MAGI2: variants seen among roughly 807,000 people sequenced by gnomAD.
MAGI2 encodes membrane associated guanylate kinase, WW and PDZ domain containing 2.
Under a neutral mutation model 133.3 loss-of-function variants are expected in MAGI2, and 35 were observed. That is an observed-to-expected ratio of 0.26 (90% confidence interval 0.20 to 0.35). The LOEUF (loss-of-function observed/expected upper bound fraction) is 0.35. Ranked by LOEUF, MAGI2 falls within the 10% of genes least tolerant of loss-of-function variation. The pLI, the probability that MAGI2 is intolerant of heterozygous loss-of-function variation, is 1.00. For synonymous variants in MAGI2, 729 were observed against 710.6 expected (o/e 1.03, Z -0.41); for missense variants, 1,636 against 1,863.4 (o/e 0.88, Z 2.25).
In MAGI2 at chr7:78,291,626, C is replaced by T. The variant is rs4283966; in HGVS notation, c.1409-35045G>A. Among the ~76,000 whole-genome samples, 513 of 152,202 alleles carry T rather than the reference C, an allele frequency of 3.4e-3. 5 individuals carry two copies. Among genetic ancestry groups the T allele is most frequent in the African/African-American group, 0.012 (488 of 41,522 alleles). ...ATACCAAAGCCTGGCAGAGACACAA[C>T]AGAAAAAGAGAATTTTAGACCAATA... On this transcript the variant is annotated intron_variant, in intron 9 of 21. Coordinates refer to ENST00000354212, the MANE Select transcript of MAGI2 (RefSeq NM_012301.4).
chr7:78,859,073 T>G (rs892362268), intron 2 of MAGI2, among the ~76,000 whole-genome samples: 2 of 152,180 alleles, frequency 1.3e-5, no homozygotes, highest in African/African-American at 4.8e-5. Context: ...TGCTTTTTTT[T>G]TTGTTTTCCA....
At chr7:78,591,146 GAAAT>G (rs1451049383) in intron 3 of MAGI2, among the ~76,000 whole-genome samples, 7 of 152,294 alleles carry the variant, frequency 4.6e-5, no homozygotes, top group Non-Finnish European at 1.0e-4. Flanking sequence ...GAGGAAGAAA[GAAAT>G]AAATACCATG....
intron 6 of MAGI2, among the ~76,000 whole-genome samples, chr7:78,444,099 C>T (rs78592511): frequency 0.1 from 15,566 of 151,990 alleles, 873 homozygotes; most frequent in African/African-American, 0.16. Context: ...GTGTATGTCA[C>T]ATTTCAACTC....
chr7:78,080,294 G>C (rs1012900378), intron 20 of MAGI2, among the ~76,000 whole-genome samples: 1 of 152,222 alleles, frequency 6.6e-6, no homozygotes. Flanking sequence ...ATACTCAGCT[G>C]CCTTTAGAAG....
intron 1 of MAGI2, among the ~76,000 whole-genome samples, chr7:79,270,452 A>C (rs193285090): frequency 2.6e-5 from 4 of 152,302 alleles, no homozygotes; most frequent in Non-Finnish European, 5.9e-5. Flanking sequence ...ACTATTGGCT[A>C]AGATTGAAGC....
intron 2 of MAGI2, among the ~76,000 whole-genome samples, chr7:78,760,103 G>A (rs990117239): frequency 2.6e-4 from 38 of 147,436 alleles, no homozygotes; most frequent in East Asian, 7.9e-4. Flanking sequence ...GCAACAGAGC[G>A]AGACTCCGTC....
intron 6 of MAGI2, among the ~76,000 whole-genome samples, chr7:78,402,966 T>TTCTA (rs1797028036): frequency 6.6e-6 from 1 of 152,224 alleles, no homozygotes; most frequent in Admixed American, 6.5e-5. Flanking sequence ...TTAAGTCTTT[T>TTCTA]TCTATGACAT....
chr7:79,037,592 T>A (rs1306926174), intron 1 of MAGI2, among the ~76,000 whole-genome samples: 1 of 152,004 alleles, frequency 6.6e-6, no homozygotes. Flanking sequence ...ATTGTTTTAT[T>A]AAAAAAAATC....
rs375153185 is a variant in MAGI2 at position 78,904,518 on chromosome 7, C to T, written c.418+102572G>A. 1.4e-3 allele frequency among the ~76,000 whole-genome samples: 203 copies of T among 144,946 alleles called. 1 individual carries two copies. Among genetic ancestry groups the T allele is most frequent in the African/African-American group, 5.1e-3 (192 of 37,674 alleles). Reference sequence around the variant, plus strand: ...GCATGCATAGCATACTAAATAATAACGCAGTTCTTTTTTTTTTTTTTTTGA... The same window carrying T: ...GCATGCATAGCATACTAAATAATAATGCAGTTCTTTTTTTTTTTTTTTTGA... On this transcript the variant is annotated intron_variant, in intron 2 of 21. Transcript: ENST00000354212.
chr7:79,242,351 C>G (rs1002378433), intron 1 of MAGI2, among the ~76,000 whole-genome samples: 1 of 152,032 alleles, frequency 6.6e-6, no homozygotes, highest in Admixed American at 6.6e-5. Flanking sequence ...ATTTCATTGA[C>G]CATTTCTCAC....
chr7:79,155,773 T>A (rs1172717966), intron 1 of MAGI2, among the ~76,000 whole-genome samples: 1 of 151,990 alleles, frequency 6.6e-6, no homozygotes, highest in Non-Finnish European at 1.5e-5. Context: ...GATGATGGTG[T>A]GAGATCATCA....
intron 7 of MAGI2, among the ~76,000 whole-genome samples, chr7:78,364,021 T>C (rs980480877): frequency 1.3e-5 from 2 of 152,208 alleles, no homozygotes; most frequent in African/African-American, 4.8e-5. Context: ...TTCTCGTCTT[T>C]TCCTCCTCCT....
At chr7:78,497,556 A>G (rs1470498209) in intron 5 of MAGI2, among the ~76,000 whole-genome samples, 1 of 152,168 alleles carries the variant, frequency 6.6e-6, no homozygotes, top group African/African-American at 2.4e-5. Flanking sequence ...ATTTTGCAAT[A>G]TCACATAAAC....
intron 2 of MAGI2, among the ~76,000 whole-genome samples, chr7:79,004,820 C>A (rs773158689): frequency 1.3e-5 from 2 of 152,100 alleles, no homozygotes; most frequent in South Asian, 4.2e-4. Flanking sequence ...TGGTGGCTCA[C>A]GCCTGTAATC....
intron 2 of MAGI2, among the ~76,000 whole-genome samples, chr7:78,820,806 T>C (rs1790027717): frequency 6.6e-6 from 1 of 152,008 alleles, no homozygotes; most frequent in Non-Finnish European, 1.5e-5. Context: ...GAAATTAGCT[T>C]ATGTTTAAAG....
chr7:78,997,475 G>T (rs770270061), intron 2 of MAGI2, among the ~76,000 whole-genome samples: 2 of 151,848 alleles, frequency 1.3e-5, no homozygotes, highest in East Asian at 3.9e-4. Context: ...GGTGGTGGTC[G>T]CCTGTAATCC....
At chr7:78,270,824 C>G (rs1794490704) in intron 9 of MAGI2, among the ~76,000 whole-genome samples, 1 of 152,114 alleles carries the variant, frequency 6.6e-6, no homozygotes, top group African/African-American at 2.4e-5. Context: ...TGCCTGAAAT[C>G]AACAGAATGT....
At chr7:79,202,771 C>A (rs992665290) in intron 1 of MAGI2, among the ~76,000 whole-genome samples, 1 of 151,906 alleles carries the variant, frequency 6.6e-6, no homozygotes, top group Non-Finnish European at 1.5e-5. Flanking sequence ...CCTGTTGTAA[C>A]CAAGTCTTCT....
intron 2 of MAGI2, among the ~76,000 whole-genome samples, chr7:78,833,051 T>A (rs970648803): frequency 3.3e-5 from 5 of 152,336 alleles, no homozygotes; most frequent in Non-Finnish European, 7.3e-5. Context: ...TCTGAGAATT[T>A]CTGGTCTAAC....
Sources: gnomAD v4.1 joint callset for allele counts (sites outside exome capture counted in the v4.1 genomes callset) on GRCh38, gnomAD v4.1.1 for gene constraint, MANE v1.5 for transcripts, NCBI Gene and HGNC (gene_info 2026-07-23, HGNC 2026-07-21) for gene names.